Variants in PIK3C2G observed in about 807,000 individuals in gnomAD.
PIK3C2G encodes phosphatidylinositol-4-phosphate 3-kinase catalytic subunit type 2 gamma, also known as phosphatidylinositol 3-kinase C2 domain-containing subunit gamma.
A neutral mutation model predicts 181.1 loss-of-function variants in PIK3C2G; 168 were observed. The observed-to-expected ratio is 0.93, with a 90% CI of 0.82 to 1.05. The LOEUF (loss-of-function observed/expected upper bound fraction) is 1.05, where lower values mean the gene tolerates loss of function less well. Among genes scored for constraint, PIK3C2G ranks in the 50% least tolerant of loss-of-function variants. The pLI is 0.00. For missense variants in PIK3C2G, 1,869 were observed against 1,732.8 expected (o/e 1.08, Z -1.40); for synonymous variants, 573 against 592.2 (o/e 0.97, Z 0.47).
chr12:18,691,204 A>G, the PIK3C2G span, among the ~76,000 whole-genome samples: 1 of 152,122 alleles, frequency 6.6e-6, no homozygotes, highest in East Asian at 1.9e-4. Flanking sequence ...GAAAGATTAG[A>G]ATGGTTCCCA....
intron 7 of PIK3C2G, among the ~76,000 whole-genome samples, chr12:18,324,152 C>T (rs569580119): frequency 6.6e-6 from 1 of 151,200 alleles, no homozygotes; most frequent in African/African-American, 2.4e-5. Context: ...CCCCGGGGGG[C>T]GGAGCCTGCA....
intron 32 of PIK3C2G, among the ~76,000 whole-genome samples, chr12:18,641,716 C>T (rs1383903788): frequency 6.8e-6 from 1 of 148,022 alleles, no homozygotes; most frequent in Non-Finnish European, 1.5e-5. Flanking sequence ...GAATTTACTC[C>T]TAAAACCCTG....
At chr12:18,658,743 T>C in the PIK3C2G span, among the ~76,000 whole-genome samples, 6 of 152,240 alleles carry the variant, frequency 3.9e-5, no homozygotes, top group Admixed American at 2.0e-4. Context: ...TTAGAAGGTT[T>C]TACATATTCT....
At chr12:18,576,660 T>A (rs1236700638) in intron 29 of PIK3C2G, among the ~76,000 whole-genome samples, 1 of 152,238 alleles carries the variant, frequency 6.6e-6, no homozygotes, top group African/African-American at 2.4e-5. Context: ...CTTAATCTAT[T>A]TGCCTTTCTG....
the PIK3C2G span, chr12:18,696,255 T>TA: frequency 1.3e-6 from 2 of 1,546,616 alleles, no homozygotes; most frequent in South Asian, 2.2e-5. Flanking sequence ...GTGTGAAAAA[T>TA]AAACTCATGG....
intron 24 of PIK3C2G, among the ~76,000 whole-genome samples, chr12:18,524,833 G>T (rs1245020132): frequency 6.6e-6 from 1 of 151,338 alleles, no homozygotes; most frequent in African/African-American, 2.4e-5. Context: ...CTCCCAAAGT[G>T]CTAGGATTAC....
At chr12:18,524,868 G>A (rs1388057871) in intron 24 of PIK3C2G, among the ~76,000 whole-genome samples, 1 of 151,818 alleles carries the variant, frequency 6.6e-6, no homozygotes, top group Non-Finnish European at 1.5e-5. Context: ...CACCCGGCCT[G>A]TGCCTCAGTT....
At chr12:18,332,338 A>G (rs557147717) in intron 8 of PIK3C2G, among the ~76,000 whole-genome samples, 2 of 152,122 alleles carry the variant, frequency 1.3e-5, no homozygotes, top group African/African-American at 2.4e-5. Context: ...TTATTACTCA[A>G]TGCTAGACCT....
At chr12:18,251,796 G>C (rs1482891835) in intron 1 of PIK3C2G, among the ~76,000 whole-genome samples, 1 of 151,912 alleles carries the variant, frequency 6.6e-6, no homozygotes, top group Admixed American at 6.6e-5. Flanking sequence ...GCATACCACA[G>C]TCATTTTCAG....
At position 18,538,131 on chromosome 12, in the gene PIK3C2G, G is replaced by T. The variant is rs762020202; in HGVS notation, c.3324-25G>T. On this transcript the variant is annotated intron_variant, in intron 24 of 32. Coordinates refer to ENST00000538779, the MANE Select transcript of PIK3C2G (RefSeq NM_001288772.2). Reference sequence around the variant, plus strand: ...ACAAACCATTTCTCTTCCTTCGAATGATTGCTACTGTTTTTGGTTTACAGG... The same window carrying T: ...ACAAACCATTTCTCTTCCTTCGAATTATTGCTACTGTTTTTGGTTTACAGG... 1.1e-5 allele frequency: 18 copies of T among 1,593,370 alleles called. No homozygotes were observed. The East Asian group carries it at 3.4e-4, about 30-fold the overall frequency.
intron 18 of PIK3C2G, among the ~76,000 whole-genome samples, chr12:18,425,745 G>T (rs1945770636): frequency 6.6e-6 from 1 of 152,092 alleles, no homozygotes; most frequent in Non-Finnish European, 1.5e-5. Flanking sequence ...AATGGAGAGA[G>T]AATTGTTTTG....
rs1350788820 is a variant in PIK3C2G at position 18,294,013 on chromosome 12, A to G, written c.1032A>G (p.Gln344=). The G allele has an allele frequency of 7.1e-7, 1 of 1,400,482 alleles. No homozygotes were observed. The highest frequency in any genetic ancestry group is 1.2e-5 in the South Asian group (1 of 84,336). 86.8% of individuals were successfully genotyped at this position (1,400,482 alleles called of 1,614,324 possible). Residue 344 remains glutamine (Q), a splice_region_variant and synonymous_variant, in exon 5 of 33, where the codon CAA becomes CAG. Coordinates refer to ENST00000538779, the MANE Select transcript of PIK3C2G (RefSeq NM_001288772.2). ...LSVCGSEEFL[Q]NDHCLGSHKM... is the part of the protein sequence containing the mutation. ...TATGTGGCTCTGAAGAATTTTTACA[A>G]AAGTAAGTATTTTATGAAATTTTGG... is the stretch of plus-strand genomic sequence containing the variant.
intron 30 of PIK3C2G, among the ~76,000 whole-genome samples, chr12:18,603,913 A>T (rs1255615462): frequency 1.3e-5 from 2 of 152,176 alleles, no homozygotes; most frequent in Admixed American, 6.5e-5. Context: ...ATCAAAAAGA[A>T]TCTCTTTAAA....
At chr12:18,538,110 A>G (rs746118448) in intron 24 of PIK3C2G, 46 bp from the exon 25 acceptor site, 1 of 1,562,122 alleles carries the variant, frequency 6.4e-7, no homozygotes, top group African/African-American at 1.4e-5. Context: ...AACCTGACAA[A>G]CCATTTCTCT....
intron 30 of PIK3C2G, 53 bp downstream of exon 30, chr12:18,594,622 A>C: frequency 2.2e-6 from 2 of 924,998 alleles, no homozygotes; most frequent in Non-Finnish European, 3.2e-6. Context: ...ATAATTGGAC[A>C]AAAAGATATC....
intron 18 of PIK3C2G, among the ~76,000 whole-genome samples, chr12:18,439,116 A>C (rs1946599790): frequency 6.6e-6 from 1 of 151,998 alleles, no homozygotes; most frequent in African/African-American, 2.4e-5. Context: ...ATTTAAGTTT[A>C]ATAACAGAGT....
At chr12:18,476,797 G>C (rs1452028748) in intron 18 of PIK3C2G, among the ~76,000 whole-genome samples, 4 of 151,740 alleles carry the variant, frequency 2.6e-5, no homozygotes, top group Non-Finnish European at 5.9e-5. Flanking sequence ...GATGAAATCA[G>C]ACATGTTAAG....
chr12:18,361,374 A>C (rs1263942549), intron 11 of PIK3C2G, among the ~76,000 whole-genome samples: 1 of 152,058 alleles, frequency 6.6e-6, no homozygotes, highest in African/African-American at 2.4e-5. Flanking sequence ...AATTTATACA[A>C]CTTTATTTTC....
At chr12:18,285,914 A>T (rs1021601420) in intron 2 of PIK3C2G, among the ~76,000 whole-genome samples, 1 of 151,988 alleles carries the variant, frequency 6.6e-6, no homozygotes, top group Non-Finnish European at 1.5e-5. Context: ...AAATGAGATA[A>T]AAAAGGAAGG....
Sources: allele counts gnomAD v4.1 joint callset (sites outside exome capture counted in the v4.1 genomes callset), GRCh38; gene constraint gnomAD v4.1.1; transcripts MANE v1.5; gene names NCBI Gene and HGNC (gene_info 2026-07-23, HGNC 2026-07-21).